LPA: variants seen among roughly 807,000 people sequenced by gnomAD.
LPA encodes the protein apolipoprotein(a).
LPA carries 199 observed loss-of-function variants against 197.9 expected under a neutral mutation model. The observed-to-expected ratio is 1.01, with a 90% CI of 0.90 to 1.13. LPA has a LOEUF of 1.13. LPA is among the 50% of genes most tolerant of loss of function. The pLI is 0.00. For missense variants in LPA, 1,853 were observed against 1,785.8 expected (o/e 1.04, Z -0.68); for synonymous variants, 715 against 639.5 (o/e 1.12, Z -1.78).
intron 28 of LPA, among the ~76,000 whole-genome samples, chr6:160,567,808 G>T (rs900395633): frequency 6.6e-6 from 1 of 152,062 alleles, no homozygotes; most frequent in Non-Finnish European, 1.5e-5. Flanking sequence ...AATGATAAAG[G>T]GGATATCACT....
chr6:160,564,115 A>T (rs1158384843), intron 28 of LPA, among the ~76,000 whole-genome samples: 1 of 152,160 alleles, frequency 6.6e-6, no homozygotes, highest in Non-Finnish European at 1.5e-5. Context: ...TTATGATGCT[A>T]GCTGGCTATT....
chr6:160,577,444 T>C (rs1213969878), intron 27 of LPA, 149 bp from the exon 28 acceptor site: 1 of 663,104 alleles, frequency 1.5e-6, no homozygotes, highest in Non-Finnish European at 2.6e-6. Flanking sequence ...AAAGACCCAG[T>C]AGATTCATAG....
At chr6:160,586,830 A>G (rs1583598995) in intron 24 of LPA, among the ~76,000 whole-genome samples, 200 bp from the exon 25 acceptor site, 1 of 152,220 alleles carries the variant, frequency 6.6e-6, no homozygotes, top group African/African-American at 2.4e-5. Context: ...TCTTATTGTA[A>G]CACATTCAAA....
intron 29 of LPA, among the ~76,000 whole-genome samples, chr6:160,556,722 T>C (rs1778271353): frequency 6.6e-6 from 1 of 151,992 alleles, no homozygotes; most frequent in Admixed American, 6.6e-5. Context: ...TCCCTTACAG[T>C]AGAGACAGGG....
intron 28 of LPA, among the ~76,000 whole-genome samples, chr6:160,567,840 AC>A (rs1778486881): frequency 6.6e-6 from 1 of 152,220 alleles, no homozygotes; most frequent in South Asian, 2.1e-4. Flanking sequence ...AGAAATACAA[AC>A]TACCATCAGA....
chr6:160,657,154 G>T (rs190143607), intron 1 of LPA, among the ~76,000 whole-genome samples: 1 of 152,106 alleles, frequency 6.6e-6, no homozygotes, highest in Non-Finnish European at 1.5e-5. Context: ...GCAATTACGG[G>T]CTCTTCAAAA....
At chr6:160,577,352 G>A in intron 27 of LPA, 57 bp from the exon 28 acceptor site, 1 of 1,538,470 alleles carries the variant, frequency 6.5e-7, no homozygotes, top group Non-Finnish European at 9.0e-7. Flanking sequence ...AGAAACATGG[G>A]AGACAATTTA....
intron 29 of LPA, among the ~76,000 whole-genome samples, chr6:160,556,800 A>C (rs1334364700): frequency 6.6e-6 from 1 of 152,052 alleles, no homozygotes; most frequent in Admixed American, 6.5e-5. Flanking sequence ...CTCAACACAC[A>C]CCAAAGATGC....
intron 33 of LPA, among the ~76,000 whole-genome samples, chr6:160,544,098 T>C (rs1272021863): frequency 4.6e-5 from 7 of 152,170 alleles, no homozygotes; most frequent in Non-Finnish European, 1.0e-4. Flanking sequence ...GACAGCAGAA[T>C]TGCACCTGGG....
intron 1 of LPA, among the ~76,000 whole-genome samples, chr6:160,662,370 A>G (rs1780241094): frequency 6.6e-6 from 1 of 152,206 alleles, no homozygotes; most frequent in Admixed American, 6.5e-5. Context: ...CAATTTGTGA[A>G]TAGAAGATGT....
At chr6:160,586,287 T>C (rs41272104) in intron 25 of LPA, among the ~76,000 whole-genome samples, 162 bp downstream of exon 25, 148 of 152,302 alleles carry the variant, frequency 9.7e-4, no homozygotes, top group African/African-American at 3.5e-3. Flanking sequence ...ATCCCAGCTC[T>C]GGTCCCCCCA....
chr6:160,581,827 T>A (rs1160258697), intron 26 of LPA, among the ~76,000 whole-genome samples: 1 of 152,196 alleles, frequency 6.6e-6, no homozygotes, highest in African/African-American at 2.4e-5. Flanking sequence ...GATTTTTTAA[T>A]CTATAAGCAT....
intron 26 of LPA, among the ~76,000 whole-genome samples, chr6:160,580,205 G>A (rs919153850): frequency 1.2e-4 from 18 of 152,150 alleles, no homozygotes; most frequent in Non-Finnish European, 2.9e-5. Context: ...GAGACTATCA[G>A]TAACTTGTTC....
In LPA at chr6:160,611,679, C is replaced by G. The variant is rs770360852; in HGVS notation, c.2486G>C (p.Gly829Ala). The G allele has an allele frequency of 6.4e-7, 1 of 1,551,220 alleles. No individual in the cohort carries two copies. The highest frequency in any genetic ancestry group is 1.1e-5 in the South Asian group (1 of 89,368). ...QRPGVQECYHGNGQSYRGTYS... is the reference protein window; with the variant it reads ...QRPGVQECYHANGQSYRGTYS... The stretch of plus-strand genomic sequence containing the variant: ...TGTGCCTCGATAACTCTGTCCATTA[C>G]CGTGGTAGCACTCCTGCACCCCAGG... Residue 829 changes from glycine to alanine, a missense_variant, in exon 16 of 39, where the codon GGT becomes GCT. Gly to Ala is a moderately conservative substitution (Grantham distance 60). Coordinates refer to ENST00000316300, the MANE Select transcript of LPA (RefSeq NM_005577.4).
chr6:160,660,392 C>A (rs41269856), intron 1 of LPA, among the ~76,000 whole-genome samples: 1 of 152,222 alleles, frequency 6.6e-6, no homozygotes, highest in Non-Finnish European at 1.5e-5. Flanking sequence ...ATTCTCCAGA[C>A]CTCCATTCTC....
At chr6:160,609,315 G>C (rs1045628303) in intron 16 of LPA, among the ~76,000 whole-genome samples, 2 of 152,016 alleles carry the variant, frequency 1.3e-5, no homozygotes, top group African/African-American at 4.8e-5. Flanking sequence ...ATTCTCGGTT[G>C]ATCTCTTCTT....
In LPA at chr6:160,664,157, A is replaced by T. The variant is rs1158899163; in HGVS notation, c.49+9T>A. On this transcript the variant is annotated intron_variant, in intron 1 of 38. Transcript: ENST00000316300. ...ATAATTCTTATAATTTAAAAAAACTATGTCTTACCTGATTTCAGAAATAAA... is the reference window on the plus strand; with the variant it reads ...ATAATTCTTATAATTTAAAAAAACTTTGTCTTACCTGATTTCAGAAATAAA... 1 of 1,598,774 alleles carries T rather than the reference A, an allele frequency of 6.3e-7. No homozygotes were observed. Among genetic ancestry groups the T allele is most frequent in the Non-Finnish European group, 8.5e-7 (1 of 1,171,262 alleles).
chr6:160,606,359 G>T, intron 17 of LPA, 118 bp downstream of exon 17: 2 of 1,435,306 alleles, frequency 1.4e-6, no homozygotes, highest in South Asian at 1.2e-5. Context: ...CTACATGACA[G>T]AACTCAGTCA....
At chr6:160,587,794 TGTGTG>T (rs1778942021) in intron 24 of LPA, among the ~76,000 whole-genome samples, 1 of 120,794 alleles carries the variant, frequency 8.3e-6, no homozygotes, top group Non-Finnish European at 1.7e-5. Flanking sequence ...TGTGTGTGTG[TGTGTG>T]TTTCTGTCTG....
Sources: allele counts gnomAD v4.1 joint callset (sites outside exome capture counted in the v4.1 genomes callset), GRCh38; gene constraint gnomAD v4.1.1; transcripts MANE v1.5; gene names NCBI Gene and HGNC (gene_info 2026-07-23, HGNC 2026-07-21).